Variants in UQCC1 observed in about 807,000 individuals in gnomAD.
The protein encoded by UQCC1 is bFGF-repressed Zic-binding protein.
UQCC1 carries 38 observed loss-of-function variants against 48.0 expected under a neutral mutation model. The observed-to-expected ratio is 0.79, with a 90% CI of 0.61 to 1.04. The LOEUF (loss-of-function observed/expected upper bound fraction) is 1.04. Ranked by LOEUF, UQCC1 falls within the 50% of genes least tolerant of loss-of-function variation. UQCC1 has a pLI of 0.00. For synonymous variants in UQCC1, 111 were observed against 129.2 expected (o/e 0.86, Z 0.95); for missense variants, 368 against 381.8 (o/e 0.96, Z 0.30).
At chr20:35,326,521 C>T (rs1005569328) in intron 7 of UQCC1, among the ~76,000 whole-genome samples, 7 of 152,224 alleles carry the variant, frequency 4.6e-5, no homozygotes, top group African/African-American at 1.7e-4. Context: ...CGGCAGGCGT[C>T]TCCAGTGGAG....
intron 9 of UQCC1, 84 bp from the exon 10 acceptor site, chr20:35,304,153 G>A (rs1301944338): frequency 1.9e-6 from 3 of 1,582,314 alleles, no homozygotes; most frequent in African/African-American, 1.3e-5. Context: ...CCTCCCAGAG[G>A]AGAGGAAGGA....
chr20:35,380,849 T>G (rs540174636), intron 4 of UQCC1, among the ~76,000 whole-genome samples: 310 of 152,356 alleles, frequency 2.0e-3, no homozygotes, highest in Admixed American at 4.8e-3. Flanking sequence ...GGGGGGATTT[T>G]GGATGCTTTG....
chr20:35,394,359 A>G (rs1384300887), intron 1 of UQCC1, among the ~76,000 whole-genome samples, 163 bp from the exon 2 acceptor site: 1 of 152,050 alleles, frequency 6.6e-6, no homozygotes, highest in East Asian at 1.9e-4. Flanking sequence ...TTTCTGAGTG[A>G]GGGGGGTGTC....
Position 35,316,320 on chromosome 20 carries a change from G to C in UQCC1, c.574-1555C>G, listed in dbSNP as rs2061058823. Among the ~76,000 whole-genome samples the C allele has an allele frequency of 1.3e-5, 2 of 152,206 alleles. 1 individual carries two copies. The highest frequency in any genetic ancestry group is 1.3e-4 in the Admixed American group (2 of 15,282). ...TGTGTTACAGTCACTCAGACTGTAA[G>C]TGACTGTGTGAGAGACTCAGACTGG... On this transcript the variant is annotated intron_variant, in intron 7 of 9. Coordinates refer to ENST00000374385, the MANE Select transcript of UQCC1 (RefSeq NM_018244.5).
chr20:35,306,117 C>T (rs896728977), intron 9 of UQCC1, among the ~76,000 whole-genome samples: 14 of 152,302 alleles, frequency 9.2e-5, no homozygotes, highest in Middle Eastern at 3.4e-3. Flanking sequence ...GGAGCTTTCT[C>T]GTAGAAGCTT....
At chr20:35,373,866 T>C (rs1375140465) in intron 5 of UQCC1, among the ~76,000 whole-genome samples, 1 of 152,180 alleles carries the variant, frequency 6.6e-6, no homozygotes, top group East Asian at 1.9e-4. Context: ...GCTCTCTGTT[T>C]ACTCTATTAA....
intron 1 of UQCC1, among the ~76,000 whole-genome samples, chr20:35,395,231 G>A (rs575559796): frequency 1.2e-4 from 18 of 152,208 alleles, no homozygotes; most frequent in African/African-American, 4.1e-4. Flanking sequence ...AAGTCAGGGA[G>A]GAGTGGGAGA....
At chr20:35,376,180 C>T (rs1189363905) in intron 4 of UQCC1, among the ~76,000 whole-genome samples, 6 of 107,222 alleles carry the variant, frequency 5.6e-5, no homozygotes, top group East Asian at 4.2e-4. Flanking sequence ...TGGTGGCAGG[C>T]GCCTGTAATC....
rs183762703 is a variant in UQCC1 at position 35,371,431 on chromosome 20, G to A, written c.406+2753C>T. 7.7e-3 allele frequency among the ~76,000 whole-genome samples: 1,149 copies of A among 150,030 alleles called. 17 individuals carry two copies. Among genetic ancestry groups the A allele is most frequent in the African/African-American group, 0.027 (1,086 of 40,916 alleles). On this transcript the variant is annotated intron_variant, in intron 5 of 9. Transcript: ENST00000374385. ...CGACTCACTGCAACCTCTGCCTCCC[G>A]GGTTCAAGTGATTCTCCTGCCTTGG... is the stretch of plus-strand genomic sequence containing the variant.
At chr20:35,320,106 T>C (rs6088791) in intron 7 of UQCC1, among the ~76,000 whole-genome samples, 73,085 of 152,072 alleles carry the variant, frequency 0.48, 19,315 homozygotes, top group African/African-American at 0.71. Flanking sequence ...TGCCAGGAAT[T>C]CTTCTCTTCT....
intron 8 of UQCC1, chr20:35,307,060 G>A (rs923015126): frequency 1.5e-5 from 7 of 472,650 alleles, no homozygotes; most frequent in East Asian, 4.1e-5. Flanking sequence ...GCAGTACTCC[G>A]TACTGCGCCT....
At chr20:35,383,690 A>G (rs1467099313) in intron 3 of UQCC1, among the ~76,000 whole-genome samples, 1 of 152,164 alleles carries the variant, frequency 6.6e-6, no homozygotes, top group Non-Finnish European at 1.5e-5. Context: ...GTCTCTACAA[A>G]AATTTAAAAA....
chr20:35,367,682 C>G (rs2061685067), intron 5 of UQCC1, among the ~76,000 whole-genome samples: 1 of 152,022 alleles, frequency 6.6e-6, no homozygotes, highest in Non-Finnish European at 1.5e-5. Context: ...ATCACTTGAG[C>G]CAGGGAGGTA....
At chr20:35,304,626 C>T (rs1025722722) in intron 9 of UQCC1, 5 of 157,874 alleles carry the variant, frequency 3.2e-5, no homozygotes, top group Non-Finnish European at 5.6e-5. Context: ...TAGGCACTCA[C>T]GCTTTAAACA....
intron 7 of UQCC1, among the ~76,000 whole-genome samples, chr20:35,316,967 G>A (rs905479334): frequency 7.1e-6 from 1 of 140,522 alleles, no homozygotes; most frequent in Non-Finnish European, 1.5e-5. Flanking sequence ...ACAGAGTCTC[G>A]CTCTCTTGGC....
At chr20:35,401,326 A>C (rs542279735) in intron 1 of UQCC1, among the ~76,000 whole-genome samples, 1 of 152,330 alleles carries the variant, frequency 6.6e-6, no homozygotes, top group African/African-American at 2.4e-5. Context: ...AATGCTAGAT[A>C]GCGTTTCCAT....
At chr20:35,406,247 T>C (rs1384854463) in intron 1 of UQCC1, among the ~76,000 whole-genome samples, 1 of 152,078 alleles carries the variant, frequency 6.6e-6, no homozygotes, top group African/African-American at 2.4e-5. Context: ...AAAATGGTAA[T>C]TTAGGAATCC....
chr20:35,346,790 C>T (rs2061436162), intron 7 of UQCC1: 1 of 543,232 alleles, frequency 1.8e-6, no homozygotes, highest in African/African-American at 1.9e-5. Flanking sequence ...CCCATCAGAA[C>T]TAATTTATAG....
intron 4 of UQCC1, among the ~76,000 whole-genome samples, chr20:35,379,180 C>T (rs890460865): frequency 1.3e-5 from 2 of 152,140 alleles, no homozygotes; most frequent in East Asian, 3.9e-4. Flanking sequence ...TTCCAAGATA[C>T]TCAAATAGGT....
Sources: allele counts gnomAD v4.1 joint callset (sites outside exome capture counted in the v4.1 genomes callset), GRCh38; gene constraint gnomAD v4.1.1; transcripts MANE v1.5; gene names NCBI Gene and HGNC (gene_info 2026-07-23, HGNC 2026-07-21).